Variants in GPR158 observed in about 807,000 individuals in gnomAD.
GPR158 encodes the protein metabotropic glycine receptor.
In GPR158, 30 loss-of-function variants were observed where a neutral mutation model predicts 78.2. The observed-to-expected ratio is 0.38, with a 90% CI of 0.29 to 0.52. GPR158 has a LOEUF of 0.52. GPR158 is among the 20% of genes least tolerant of loss of function. GPR158 has a pLI of 0.83. For synonymous variants in GPR158, 581 were observed against 591.1 expected, an observed-to-expected ratio of 0.98 and a Z score of 0.25; for missense variants, 1,463 against 1,523.5, an observed-to-expected ratio of 0.96 and a Z score of 0.66.
At chr10:25,491,802 T>C (rs1447847416) in intron 5 of GPR158, among the ~76,000 whole-genome samples, 1 of 152,208 alleles carries the variant, frequency 6.6e-6, no homozygotes, top group Admixed American at 6.6e-5. Context: ...AAGAACATTT[T>C]ACTTAGCTAT....
rs557526381 is a variant in GPR158, at chr10:25,316,208, A to G, written c.1009-79703A>G. Among the ~76,000 whole-genome samples, 164 of 152,244 alleles carry G rather than the reference A, an allele frequency of 1.1e-3. 1 individual carries two copies. Among genetic ancestry groups the G allele is most frequent in the African/African-American group, 3.7e-3 (152 of 41,560 alleles). On this transcript the variant is annotated intron_variant, in intron 2 of 10. Transcript: ENST00000376351. ...ATAATTCCAATAGGATATGTTTCAC[A>G]GTTGATCATTGAAGATCAATTTACC...
chr10:25,447,959 T>C (rs1342501086), intron 4 of GPR158, among the ~76,000 whole-genome samples: 3 of 152,114 alleles, frequency 2.0e-5, no homozygotes, highest in Admixed American at 2.0e-4. Flanking sequence ...GTCCCACACC[T>C]CTCTCCACCC....
chr10:25,289,663 G>A (rs574089809), intron 2 of GPR158, among the ~76,000 whole-genome samples: 1 of 151,928 alleles, frequency 6.6e-6, no homozygotes, highest in South Asian at 2.1e-4. Flanking sequence ...CTCTTGATCC[G>A]CCCTCCTCTG....
At chr10:25,562,198 C>G (rs985206932) in intron 6 of GPR158, among the ~76,000 whole-genome samples, 1 of 151,906 alleles carries the variant, frequency 6.6e-6, no homozygotes, top group African/African-American at 2.4e-5. Context: ...TTTTTTCTTG[C>G]TCAGTCTAAC....
chr10:25,215,124 C>G (rs1853190581), intron 1 of GPR158, among the ~76,000 whole-genome samples: 1 of 152,072 alleles, frequency 6.6e-6, no homozygotes, highest in South Asian at 2.1e-4. Context: ...GTGGGCCCAC[C>G]ACAGATGAAT....
intron 2 of GPR158, among the ~76,000 whole-genome samples, chr10:25,275,557 T>C (rs1854172868): frequency 6.6e-6 from 1 of 152,194 alleles, no homozygotes; most frequent in East Asian, 1.9e-4. Context: ...TGGGGTGGTT[T>C]TCAAAGGAAA....
intron 2 of GPR158, among the ~76,000 whole-genome samples, chr10:25,309,948 A>G (rs1432907138): frequency 1.4e-5 from 2 of 140,630 alleles, no homozygotes; most frequent in African/African-American, 6.4e-5. Flanking sequence ...GTGAGAACAG[A>G]CTAATAATAC....
intron 4 of GPR158, among the ~76,000 whole-genome samples, chr10:25,444,068 G>A (rs922394645): frequency 6.6e-6 from 1 of 150,640 alleles, no homozygotes; most frequent in African/African-American, 2.4e-5. Flanking sequence ...CCCACTAGTT[G>A]CAAGTTGTGA....
At chr10:25,246,732 C>G (rs990671410) in intron 2 of GPR158, among the ~76,000 whole-genome samples, 2 of 152,158 alleles carry the variant, frequency 1.3e-5, no homozygotes, top group South Asian at 4.1e-4. Flanking sequence ...TTAATAATGA[C>G]TCCTTCAGAA....
chr10:25,580,421 C>T (rs552711637), intron 7 of GPR158, among the ~76,000 whole-genome samples: 25 of 152,152 alleles, frequency 1.6e-4, no homozygotes, highest in African/African-American at 5.5e-4. Context: ...TAGTCATATG[C>T]CAATGTTTAG....
intron 4 of GPR158, among the ~76,000 whole-genome samples, chr10:25,425,876 G>T (rs930212303): frequency 1.3e-5 from 2 of 152,200 alleles, no homozygotes; most frequent in African/African-American, 2.4e-5. Context: ...TTGAGAAGCA[G>T]ATCAAGATTG....
intron 2 of GPR158, among the ~76,000 whole-genome samples, chr10:25,266,526 AT>A (rs2130738473): frequency 6.6e-6 from 1 of 152,304 alleles, no homozygotes; most frequent in Admixed American, 6.5e-5. Context: ...AATTAAACAA[AT>A]TGGGAATGAC....
chr10:25,486,836 A>G (rs928203541), intron 5 of GPR158, among the ~76,000 whole-genome samples: 3 of 151,508 alleles, frequency 2.0e-5, no homozygotes, highest in African/African-American at 7.3e-5. Context: ...AAAATACAGT[A>G]AATATGAATT....
chr10:25,486,059 T>A (rs148664101), intron 5 of GPR158, among the ~76,000 whole-genome samples: 4 of 152,276 alleles, frequency 2.6e-5, no homozygotes, highest in African/African-American at 9.6e-5. Context: ...AATCTATGGA[T>A]CCCTTGATCT....
intron 1 of GPR158, among the ~76,000 whole-genome samples, chr10:25,188,171 A>C (rs561893379): frequency 4.8e-4 from 73 of 152,304 alleles, no homozygotes; most frequent in African/African-American, 1.6e-3. Flanking sequence ...ATGCTCATGG[A>C]TAGGAAGAAT....
intron 2 of GPR158, among the ~76,000 whole-genome samples, chr10:25,367,339 T>C (rs1197906972): frequency 6.6e-6 from 1 of 151,732 alleles, no homozygotes; most frequent in Non-Finnish European, 1.5e-5. Flanking sequence ...TGAATCATTG[T>C]GCAATTTTTC....
At chr10:25,540,945 A>AAAAAATAT (rs1342123329) in intron 5 of GPR158, among the ~76,000 whole-genome samples, 25 of 82,916 alleles carry the variant, frequency 3.0e-4, no homozygotes, top group African/African-American at 2.4e-3. Context: ...GTATAATAAA[A>AAAAAATAT]ATATATATAT....
intron 5 of GPR158, among the ~76,000 whole-genome samples, chr10:25,499,441 G>T (rs1233436539): frequency 6.6e-6 from 1 of 152,150 alleles, no homozygotes; most frequent in Non-Finnish European, 1.5e-5. Context: ...AGCCTAGGAG[G>T]CTTCTTCCTG....
At chr10:25,204,682 G>T (rs1483999492) in intron 1 of GPR158, among the ~76,000 whole-genome samples, 1 of 151,972 alleles carries the variant, frequency 6.6e-6, no homozygotes, top group Non-Finnish European at 1.5e-5. Context: ...TTTTTGCATC[G>T]ATGTTCTTCA....
Sources: gnomAD v4.1 joint callset for allele counts (sites outside exome capture counted in the v4.1 genomes callset) on GRCh38, gnomAD v4.1.1 for gene constraint, MANE v1.5 for transcripts, NCBI Gene and HGNC (gene_info 2026-07-23, HGNC 2026-07-21) for gene names.